SLC3A1: variants seen among roughly 807,000 people sequenced by gnomAD.
The protein encoded by SLC3A1 is solute carrier family 3 member 1.
SLC3A1 carries 78 observed loss-of-function variants against 60.3 expected under a neutral mutation model. The observed-to-expected ratio is 1.29, with a 90% CI of 1.08 to 1.56. The LOEUF (loss-of-function observed/expected upper bound fraction) is 1.56. Among genes scored for constraint, SLC3A1 ranks in the 40% most tolerant of loss-of-function variants. The probability of loss-of-function intolerance (pLI) is 0.00; values close to 1 mark genes in which losing one functional copy is unlikely to be tolerated. For missense variants in SLC3A1, 1,172 were observed against 858.9 expected (o/e 1.36, Z -4.56); for synonymous variants, 392 against 307.9 (o/e 1.27, Z -2.86).
intron 9 of SLC3A1, chr2:44,314,247 C>G (rs1175094026): frequency 1.5e-6 from 1 of 646,230 alleles, no homozygotes; most frequent in Non-Finnish European, 2.6e-6. Context: ...AGTTTTTTAG[C>G]TAGCCCAGCT....
chr2:44,304,426 T>C, intron 7 of SLC3A1, 88 bp downstream of exon 7: 1 of 991,726 alleles, frequency 1.0e-6, no homozygotes, highest in Non-Finnish European at 1.6e-6. Flanking sequence ...CCTTTGTCTC[T>C]AAGTGACCAT....
rs374750983 is a variant in SLC3A1, at chr2:44,304,194, C to T, written c.1188C>T (p.Tyr396=). 5 of 1,613,956 alleles carry T rather than the reference C, an allele frequency of 3.1e-6. No individual in the cohort carries two copies. The African/African-American group carries it at 5.3e-5, about 17-fold the overall frequency. The part of the protein sequence containing the change: ...YAESIDRTVM[Y]YGLPFIQEAD... Reference sequence around the variant, plus strand: ...AGAGTATTGACAGGACCGTGATGTACTATGGATTGCCATTTATCCAAGAAG... The same window carrying T: ...AGAGTATTGACAGGACCGTGATGTATTATGGATTGCCATTTATCCAAGAAG... The change falls in exon 7 of 10, where the codon TAC becomes TAT. Residue 396 remains tyrosine, a synonymous_variant. Transcript: ENST00000260649.
intron 3 of SLC3A1, among the ~76,000 whole-genome samples, chr2:44,282,220 C>A (rs1572791326): frequency 6.6e-6 from 1 of 152,082 alleles, no homozygotes; most frequent in Admixed American, 6.5e-5. Flanking sequence ...AAAACCCTAG[C>A]CATGAATGAA....
rs1671599396 is a variant in SLC3A1 at position 44,285,808 on chromosome 2, A to C, written c.766-224A>C. ...ATTGGTTTGCTGTTGCAGTTGTTAC[A>C]AACAGCATCTACTGTAAAAATACGT... is the stretch of plus-strand genomic sequence containing the variant. On this transcript the variant is annotated intron_variant, in intron 3 of 9. Coordinates refer to ENST00000260649, the MANE Select transcript of SLC3A1 (RefSeq NM_000341.4). The C allele has an allele frequency of 4.4e-6, 3 of 676,934 alleles. No individual in the cohort carries two copies. The South Asian group carries it at 4.6e-5, about 10-fold the overall frequency. The allele number at this position is 676,934 out of a possible 1,614,324, so 41.9% of individuals were successfully genotyped here. A position where few individuals can be genotyped will look rare whatever the true frequency, so the allele number is the denominator to read the frequency against.
intron 8 of SLC3A1, 94 bp downstream of exon 8, chr2:44,312,847 A>C: frequency 1.0e-6 from 1 of 965,184 alleles, no homozygotes; most frequent in Non-Finnish European, 1.6e-6. Context: ...CTATCTCTCT[A>C]TTGCATTGCT....
chr2:44,310,577 C>T (rs894937192), intron 7 of SLC3A1, among the ~76,000 whole-genome samples: 21 of 152,058 alleles, frequency 1.4e-4, no homozygotes, highest in African/African-American at 4.1e-4. Context: ...TGTCTTTTAA[C>T]GGTTTGACTG....
At chr2:44,312,835 T>C in intron 8 of SLC3A1, 82 bp downstream of exon 8, 1 of 1,136,530 alleles carries the variant, frequency 8.8e-7, no homozygotes, top group East Asian at 2.5e-5. Context: ...TCAGAGAACT[T>C]ACTATCTCTC....
At chr2:44,285,866 G>C in intron 3 of SLC3A1, 166 bp from the exon 4 acceptor site, 1 of 834,272 alleles carries the variant, frequency 1.2e-6, no homozygotes, top group Non-Finnish European at 2.1e-6. Flanking sequence ...TAGGCCAATG[G>C]GGTGGGGGGT....
At chr2:44,303,933 G>T (rs923368176) in intron 6 of SLC3A1, 3 of 639,042 alleles carry the variant, frequency 4.7e-6, no homozygotes, top group African/African-American at 3.6e-5. Context: ...TGGCTGCATA[G>T]TATTCCATGG....
At chr2:44,278,691 G>A (rs1671406508) in intron 1 of SLC3A1, among the ~76,000 whole-genome samples, 2 of 152,006 alleles carry the variant, frequency 1.3e-5, no homozygotes, top group Admixed American at 1.3e-4. Flanking sequence ...TGAACTAGAA[G>A]GAGAAAACAC....
At position 44,299,973 on chromosome 2, in the gene SLC3A1, A is replaced by G. The variant is rs1671960853; in HGVS notation, c.894A>G (p.Glu298=). Residue 298 remains glutamate, a splice_region_variant and synonymous_variant, in exon 5 of 10, where the codon GAA becomes GAG. Coordinates refer to ENST00000260649, the MANE Select transcript of SLC3A1 (RefSeq NM_000341.4). ...GCATTTTGCTTCTTCATCTTTAGGA[A>G]ATTTTACGGTTCTGGCTCACAAAGG... ...RNPDVQEEIK[E]ILRFWLTKGV... The G allele has an allele frequency of 6.2e-7, 1 of 1,614,090 alleles. No homozygotes were observed. The highest frequency in any genetic ancestry group is 1.1e-5 in the South Asian group (1 of 91,078).
chr2:44,321,500 C>T (rs2103660160), downstream of SLC3A1: 2 of 1,578,818 alleles, frequency 1.3e-6, no homozygotes, highest in Non-Finnish European at 1.7e-6. Flanking sequence ...TAAAATGCCA[C>T]TGTTTAAGCT....
intron 6 of SLC3A1, among the ~76,000 whole-genome samples, chr2:44,301,756 A>C (rs1240263986): frequency 6.7e-6 from 1 of 149,482 alleles, no homozygotes; most frequent in Non-Finnish European, 1.5e-5. Context: ...AAAAAAAAAA[A>C]GAACCAAAAA....
At chr2:44,300,425 AG>A (rs1489389222) in intron 5 of SLC3A1, among the ~76,000 whole-genome samples, 7 of 152,190 alleles carry the variant, frequency 4.6e-5, no homozygotes, top group Admixed American at 4.6e-4. Flanking sequence ...TCAAGTGAGG[AG>A]GCCTTGGCTT....
chr2:44,301,820 G>C (rs1572805512), intron 6 of SLC3A1, among the ~76,000 whole-genome samples: 1 of 151,616 alleles, frequency 6.6e-6, no homozygotes, highest in East Asian at 1.9e-4. Flanking sequence ...TCCCAGCACT[G>C]TGTGAGGTCG....
At chr2:44,310,777 T>C (rs557276979) in intron 7 of SLC3A1, among the ~76,000 whole-genome samples, 115 of 152,188 alleles carry the variant, frequency 7.6e-4, no homozygotes, top group African/African-American at 2.7e-3. Context: ...GTATGCATGA[T>C]AGTATCCCAC....
chr2:44,284,049 T>A (rs1412469957), intron 3 of SLC3A1, among the ~76,000 whole-genome samples: 1 of 152,088 alleles, frequency 6.6e-6, no homozygotes, highest in Admixed American at 6.6e-5. Flanking sequence ...ATAAACACTG[T>A]CATTAATCTA....
chr2:44,316,106 GAGGCAGGCAACCAA>G (rs1395928911), intron 9 of SLC3A1, among the ~76,000 whole-genome samples: 1 of 152,122 alleles, frequency 6.6e-6, no homozygotes, highest in Non-Finnish European at 1.5e-5. Context: ...CCCATTATGA[GAGGCAGGCAACCAA>G]AGACAGGCAA....
intron 9 of SLC3A1, chr2:44,314,178 C>A: frequency 1.8e-6 from 2 of 1,117,958 alleles, no homozygotes; most frequent in Non-Finnish European, 1.2e-6. Context: ...ATAGAATATA[C>A]AAGTCTTCAT....
Sources: gnomAD v4.1 joint callset for allele counts (sites outside exome capture counted in the v4.1 genomes callset) on GRCh38, gnomAD v4.1.1 for gene constraint, MANE v1.5 for transcripts, NCBI Gene and HGNC (gene_info 2026-07-23, HGNC 2026-07-21) for gene names.